PLEKHS1: variants seen among roughly 807,000 people sequenced by gnomAD.
The protein encoded by PLEKHS1 is pleckstrin homology domain-containing family S member 1.
Under a neutral mutation model 51.0 loss-of-function variants are expected in PLEKHS1, and 55 were observed. The ratio of observed to expected loss-of-function variants is 1.08; its 90% confidence interval spans 0.87 to 1.35. The LOEUF is 1.35. Ranked by LOEUF, PLEKHS1 falls within the 40% of genes most tolerant of loss-of-function variation. The probability of loss-of-function intolerance (pLI) is 0.00; values close to 1 mark genes in which losing one functional copy is unlikely to be tolerated. For missense variants in PLEKHS1, 398 were observed against 423.0 expected (o/e 0.94, Z 0.52); for synonymous variants, 153 against 144.8 (o/e 1.06, Z -0.41).
intron 11 of PLEKHS1, among the ~76,000 whole-genome samples, chr10:113,776,395 T>A (rs543664128): frequency 4.1e-4 from 62 of 152,362 alleles, no homozygotes; most frequent in African/African-American, 1.3e-3. Flanking sequence ...GGCATTTTTT[T>A]AAAACACTTT....
At chr10:113,752,759 A>T (rs993624465) in intron 1 of PLEKHS1, among the ~76,000 whole-genome samples, 1 of 152,172 alleles carries the variant, frequency 6.6e-6, no homozygotes, top group Non-Finnish European at 1.5e-5. Flanking sequence ...TGAAGGAGGA[A>T]TGGTTGCAGC....
At chr10:113,778,999 C>G (rs2134590765) in intron 11 of PLEKHS1, among the ~76,000 whole-genome samples, 1 of 152,306 alleles carries the variant, frequency 6.6e-6, no homozygotes, top group South Asian at 2.1e-4. Flanking sequence ...ACAAAAATGG[C>G]CTCAGCCTGA....
chr10:113,754,559 G>A (rs866040431), intron 1 of PLEKHS1, among the ~76,000 whole-genome samples: 4 of 152,102 alleles, frequency 2.6e-5, no homozygotes, highest in Non-Finnish European at 5.9e-5. Flanking sequence ...TGCAACCTCC[G>A]CCTCCCGGGT....
intron 2 of PLEKHS1, chr10:113,765,186 T>G: frequency 2.1e-6 from 1 of 470,706 alleles, no homozygotes; most frequent in East Asian, 3.1e-5. Context: ...CTATGAATCT[T>G]GAGCTTTGTT....
At chr10:113,780,726 C>G (rs573461694) in exon 12 of PLEKHS1, 1 of 1,605,664 alleles carries the variant, frequency 6.2e-7, no homozygotes. Context: ...CTGAACAGAG[C>G]TCCCAAGAGG....
At chr10:113,761,443 C>CT (rs201764571) in intron 2 of PLEKHS1, among the ~76,000 whole-genome samples, 27,914 of 151,968 alleles carry the variant, frequency 0.18, 2,669 homozygotes, top group East Asian at 0.29. Context: ...TAATTTATGT[C>CT]TCTTTATTTC....
chr10:113,759,486 AGTTT>A (rs1199398117), intron 2 of PLEKHS1, among the ~76,000 whole-genome samples: 2 of 152,150 alleles, frequency 1.3e-5, no homozygotes, highest in Admixed American at 6.5e-5. Flanking sequence ...TCTCACTGTA[AGTTT>A]GTTTGTATTT....
At chr10:113,754,270 G>A (rs1370715144) in intron 1 of PLEKHS1, among the ~76,000 whole-genome samples, 1 of 152,122 alleles carries the variant, frequency 6.6e-6, no homozygotes, top group Admixed American at 6.5e-5. Context: ...ATCTTACTTG[G>A]GGCTGCTTGG....
chr10:113,770,120 C>A (rs1426150496), intron 7 of PLEKHS1, among the ~76,000 whole-genome samples: 2 of 152,194 alleles, frequency 1.3e-5, no homozygotes, highest in Non-Finnish European at 2.9e-5. Context: ...ATTTTAGATG[C>A]TCTTGATATG....
At chr10:113,778,757 C>T (rs1260915796) in intron 11 of PLEKHS1, among the ~76,000 whole-genome samples, 1 of 151,870 alleles carries the variant, frequency 6.6e-6, no homozygotes, top group Non-Finnish European at 1.5e-5. Flanking sequence ...CATTCTCCTG[C>T]CTCAGCCTCC....
rs542351044 is a variant in PLEKHS1, at chr10:113,770,115, A to G, written c.552+215A>G. Among the ~76,000 whole-genome samples the G allele has an allele frequency of 1.4e-4, 21 of 152,330 alleles. 2 individuals carry two copies. The Middle Eastern group carries it at 0.01, about 74-fold the overall frequency. On this transcript the variant is annotated intron_variant, in intron 7 of 11. Coordinates refer to ENST00000361048, the Ensembl canonical transcript of PLEKHS1. ...ACCTCTCAGTGTATTCATTCATTTT[A>G]GATGCTCTTGATATGCTTTGGGTAT...
chr10:113,778,207 T>G (rs1844756169), intron 11 of PLEKHS1, among the ~76,000 whole-genome samples: 1 of 152,196 alleles, frequency 6.6e-6, no homozygotes, highest in Non-Finnish European at 1.5e-5. Flanking sequence ...GAGGCTGGTT[T>G]TCAAACTGTG....
intron 11 of PLEKHS1, among the ~76,000 whole-genome samples, chr10:113,779,016 G>A (rs1422742885): frequency 6.6e-6 from 1 of 152,224 alleles, no homozygotes; most frequent in African/African-American, 2.4e-5. Flanking sequence ...CTGAGCTGAA[G>A]CTCACAGATT....
rs1386720657 is a variant in PLEKHS1 at position 113,765,462 on chromosome 10, C to T, written c.29-949C>T. The T allele has an allele frequency of 7.8e-6, 6 of 772,690 alleles. No homozygotes were observed. The African/African-American group carries it at 8.5e-5, about 11-fold the overall frequency. 47.9% of individuals were successfully genotyped at this position (772,690 alleles called of 1,614,324 possible). ...TCTCTGGCCTCAGGTAGTTTCAGCA[C>T]ACACATGTGTTAATCGACACTCTTG... On this transcript the variant is annotated intron_variant, in intron 2 of 11. Coordinates refer to ENST00000361048, the Ensembl canonical transcript of PLEKHS1.
In PLEKHS1 at chr10:113,777,266, C is replaced by T. The variant is rs1416022590; in HGVS notation, c.1091+1400C>T. 8 of 1,612,558 alleles carry T rather than the reference C, an allele frequency of 5.0e-6. No homozygotes were observed. The highest frequency in any genetic ancestry group is 1.1e-5 in the South Asian group (1 of 90,998). ...CCGGTCCATCCAGAAGGAGGTGAGT[C>T]GTACTGACCAGCCCTGAACAGGGCA... is the stretch of plus-strand genomic sequence containing the variant. On this transcript the variant is annotated intron_variant, in intron 11 of 11. Transcript: ENST00000361048.
intron 2 of PLEKHS1, among the ~76,000 whole-genome samples, chr10:113,766,069 T>C (rs1370064182): frequency 2.0e-5 from 3 of 152,238 alleles, no homozygotes; most frequent in Non-Finnish European, 2.9e-5. Flanking sequence ...TCTTGTTTGC[T>C]AAGCCAAAGG....
At chr10:113,775,659 T>G (rs1368512939) in intron 10 of PLEKHS1, 106 bp from the exon 11 acceptor site, 3 of 674,648 alleles carry the variant, frequency 4.4e-6, no homozygotes, top group Non-Finnish European at 7.6e-6. Context: ...AACCTTTACC[T>G]GGACAATGTC....
At chr10:113,752,843 G>A (rs61362768) in intron 1 of PLEKHS1, among the ~76,000 whole-genome samples, 33 of 152,244 alleles carry the variant, frequency 2.2e-4, no homozygotes, top group African/African-American at 7.7e-4. Context: ...ACATCCACAG[G>A]GCACAGGGAG....
At chr10:113,763,171 T>A (rs1260086263) in intron 2 of PLEKHS1, among the ~76,000 whole-genome samples, 1 of 152,150 alleles carries the variant, frequency 6.6e-6, no homozygotes, top group Non-Finnish European at 1.5e-5. Context: ...TAGGATTAAT[T>A]CATCCCTTTA....
Sources: allele counts gnomAD v4.1 joint callset (sites outside exome capture counted in the v4.1 genomes callset), GRCh38; gene constraint gnomAD v4.1.1; transcripts MANE v1.5; gene names NCBI Gene and HGNC (gene_info 2026-07-23, HGNC 2026-07-21).